MSN: variants seen among roughly 807,000 people sequenced by gnomAD.
MSN encodes the protein moesin.
In MSN, 2 loss-of-function variants were observed where a neutral mutation model predicts 48.0. The ratio of observed to expected loss-of-function variants is 0.04; its 90% CI spans 0.02 to 0.13. The LOEUF (loss-of-function observed/expected upper bound fraction) is 0.13, where lower values mean the gene tolerates loss of function less well. Ranked by LOEUF, MSN falls within the 10% of genes least tolerant of loss-of-function variation. The probability of loss-of-function intolerance (pLI) is 1.00; values close to 1 mark genes in which losing one functional copy is unlikely to be tolerated. For synonymous variants in MSN, 146 were observed against 166.9 expected, an observed-to-expected ratio of 0.87 and a Z score of 0.97; for missense variants, 267 against 470.1, an observed-to-expected ratio of 0.57 and a Z score of 3.99.
chrX:65,717,713 A>T (rs964146357), intron 2 of MSN, among the ~76,000 whole-genome samples: 1 of 111,671 alleles, frequency 9.0e-6, no homozygotes, highest in Non-Finnish European at 1.9e-5. Flanking sequence ...ACCTCACCAG[A>T]CAGGCCATTA....
intron 1 of MSN, among the ~76,000 whole-genome samples, chrX:65,709,535 T>A (rs2071394936): frequency 8.9e-6 from 1 of 112,216 alleles, no homozygotes; most frequent in African/African-American, 3.2e-5. Flanking sequence ...ACCAGGGTGA[T>A]CCTCTACGAG....
intron 2 of MSN, among the ~76,000 whole-genome samples, chrX:65,717,624 T>G (rs1307255653): frequency 8.9e-6 from 1 of 112,286 alleles, no homozygotes; most frequent in Non-Finnish European, 1.9e-5. Flanking sequence ...CTACAGACAT[T>G]TTTAGCATTC....
intron 1 of MSN, among the ~76,000 whole-genome samples, chrX:65,691,474 C>G (rs995707920): frequency 9.0e-6 from 1 of 111,706 alleles, no homozygotes; most frequent in African/African-American, 3.3e-5. Flanking sequence ...TATATACTTT[C>G]ACATGTAGAT....
At chrX:65,684,360 C>T (rs372094247) in intron 1 of MSN, among the ~76,000 whole-genome samples, 1 of 111,618 alleles carries the variant, frequency 9.0e-6, no homozygotes, top group Non-Finnish European at 1.9e-5. Context: ...ATGTCAAATC[C>T]GATTTTAAAG....
chrX:65,722,533 T>A (rs2071528518), intron 2 of MSN, among the ~76,000 whole-genome samples: 1 of 109,385 alleles, frequency 9.1e-6, no homozygotes, highest in African/African-American at 3.4e-5. Flanking sequence ...CAAGTGATCC[T>A]CCCACTTCAG....
At chrX:65,605,149 C>T (rs1023734084) in intron 1 of MSN, among the ~76,000 whole-genome samples, 1 of 112,260 alleles carries the variant, frequency 8.9e-6, no homozygotes, top group Non-Finnish European at 1.9e-5. Flanking sequence ...TGGTAAATTA[C>T]CATTTGGTAA....
intron 1 of MSN, among the ~76,000 whole-genome samples, chrX:65,645,816 G>T (rs774341401): frequency 9.0e-5 from 10 of 111,245 alleles, no homozygotes; most frequent in Non-Finnish European, 1.9e-4. Context: ...TCTTCCTTCT[G>T]CTCCGCAAGT....
At chrX:65,691,028 G>A (rs1054674635) in intron 1 of MSN, among the ~76,000 whole-genome samples, 2 of 111,416 alleles carry the variant, frequency 1.8e-5, no homozygotes, top group African/African-American at 6.5e-5. Context: ...CAAGCAGCAT[G>A]AGTAGGACAC....
chrX:65,687,925 A>G (rs1472318672), intron 1 of MSN, among the ~76,000 whole-genome samples: 9 of 112,005 alleles, frequency 8.0e-5, no homozygotes, highest in Non-Finnish European at 1.7e-4. Context: ...TTCTTCTGGA[A>G]CCTCTAGCTG....
At chrX:65,632,011 A>T (rs2070562778) in intron 1 of MSN, among the ~76,000 whole-genome samples, 1 of 112,090 alleles carries the variant, frequency 8.9e-6, no homozygotes, top group Non-Finnish European at 1.9e-5. Flanking sequence ...TAAAACAGTT[A>T]TGAGCATTCC....
chrX:65,639,905 G>A (rs1163360076), intron 1 of MSN, among the ~76,000 whole-genome samples: 1 of 111,646 alleles, frequency 9.0e-6, no homozygotes, highest in Non-Finnish European at 1.9e-5. Context: ...ACTTTCTCAC[G>A]TATCCATTAA....
chrX:65,668,511 A>T (rs1159345775), intron 1 of MSN, among the ~76,000 whole-genome samples: 1 of 111,148 alleles, frequency 9.0e-6, no homozygotes, highest in Non-Finnish European at 1.9e-5. Flanking sequence ...CCTCCTCTCC[A>T]CCTCCAAATC....
rs371974303 is a variant in MSN at position 65,622,762 on chromosome X, C to T, written c.-22+34150C>T. Among the ~76,000 whole-genome samples, 188 of 110,905 alleles carry T rather than the reference C, an allele frequency of 1.7e-3. 2 individuals carry two copies. The highest frequency in any genetic ancestry group is 5.8e-3 in the African/African-American group (179 of 30,618). On this transcript the variant is annotated intron_variant, in intron 1 of 3. Transcript: ENST00000609672. Reference sequence around the variant, plus strand: ...GAACTCCTGACCTCAAGTCTAGCCTCGGCCTCCCAAAGTGCTGGGATTATA... The same window carrying T: ...GAACTCCTGACCTCAAGTCTAGCCTTGGCCTCCCAAAGTGCTGGGATTATA...
At chrX:65,733,087 A>G in intron 6 of MSN, 97 bp from the exon 7 acceptor site, 1 of 569,138 alleles carries the variant, frequency 1.8e-6, no homozygotes, top group Non-Finnish European at 2.9e-6. Context: ...AGAGAGAGAC[A>G]TAGAAGCTTG....
At chrX:65,700,225 C>T (rs1179068347) in intron 1 of MSN, among the ~76,000 whole-genome samples, 3 of 111,731 alleles carry the variant, frequency 2.7e-5, no homozygotes, top group African/African-American at 9.8e-5. Flanking sequence ...TGCAACACTC[C>T]GGTGAGGTAG....
intron 1 of MSN, among the ~76,000 whole-genome samples, chrX:65,633,564 C>T (rs1410101923): frequency 1.8e-5 from 2 of 111,834 alleles, no homozygotes; most frequent in African/African-American, 6.5e-5. Flanking sequence ...ACAGGCTTTC[C>T]TGCTCTCTCC....
chrX:65,656,030 G>A (rs2070778502), intron 1 of MSN, among the ~76,000 whole-genome samples: 1 of 112,236 alleles, frequency 8.9e-6, no homozygotes, highest in Admixed American at 9.4e-5. Flanking sequence ...GCCTCCCAAA[G>A]TTCAGGGATT....
rs757478366 is a variant in MSN at position 65,683,330 on chromosome X, C to T, written c.12+15477C>T. ...AGGGAGGATAGCAAGGAAGTCCTGG[C>T]GATCATAATGTTGGGGCATCCAGTG... On this transcript the variant is annotated intron_variant, in intron 1 of 12. Transcript: ENST00000360270. 7.3e-5 allele frequency among the ~76,000 whole-genome samples: 8 copies of T among 109,151 alleles called. No homozygotes were observed. In the East Asian group the frequency reaches 8.7e-4, roughly 12 times the overall value. 94.8% of individuals were successfully genotyped at this position (109,151 alleles called of 115,157 possible).
chrX:65,609,181 G>T (rs1311120598), intron 1 of MSN, among the ~76,000 whole-genome samples: 1 of 106,982 alleles, frequency 9.3e-6, no homozygotes, highest in Admixed American at 1.0e-4. Flanking sequence ...AGAGATTGTT[G>T]GAAAGCCAAT....
Sources: allele counts gnomAD v4.1 joint callset (sites outside exome capture counted in the v4.1 genomes callset), GRCh38; gene constraint gnomAD v4.1.1; transcripts MANE v1.5; gene names NCBI Gene and HGNC (gene_info 2026-07-23, HGNC 2026-07-21).